Variants in PXDNL observed in about 807,000 individuals in gnomAD.
PXDNL encodes the protein peroxidasin like.
In PXDNL, 145 loss-of-function variants were observed where a neutral mutation model predicts 150.8. The observed-to-expected ratio is 0.96, with a 90% confidence interval of 0.84 to 1.10. The LOEUF is 1.10. PXDNL is among the 50% of genes least tolerant of loss of function. The pLI, the probability that PXDNL is intolerant of heterozygous loss-of-function variation, is 0.00. For synonymous variants in PXDNL, 757 were observed against 725.7 expected, an observed-to-expected ratio of 1.04 and a Z score of -0.69; for missense variants, 2,087 against 1,873.9, an observed-to-expected ratio of 1.11 and a Z score of -2.10.
intron 1 of PXDNL, among the ~76,000 whole-genome samples, chr8:51,789,765 G>C (rs2129254716): frequency 6.6e-6 from 1 of 152,168 alleles, no homozygotes; most frequent in African/African-American, 2.4e-5. Context: ...ATCCACCCAA[G>C]GAGTATCCTT....
intron 2 of PXDNL, among the ~76,000 whole-genome samples, chr8:51,630,676 A>G (rs549466326): frequency 4.0e-4 from 61 of 152,302 alleles, no homozygotes; most frequent in Non-Finnish European, 6.5e-4. Context: ...AAGCATATGA[A>G]AAAATGCTCA....
At chr8:51,488,628 T>C (rs1231555037) in intron 5 of PXDNL, among the ~76,000 whole-genome samples, 2 of 152,186 alleles carry the variant, frequency 1.3e-5, no homozygotes, top group Admixed American at 1.3e-4. Context: ...GGAAGATAAA[T>C]CTGCATTTTA....
intron 19 of PXDNL, among the ~76,000 whole-genome samples, chr8:51,358,951 A>T (rs946730226): frequency 6.6e-6 from 1 of 152,214 alleles, no homozygotes; most frequent in Non-Finnish European, 1.5e-5. Flanking sequence ...AAAGGGCTTC[A>T]TGTTCAGATT....
chr8:51,526,222 T>C (rs4321992), intron 4 of PXDNL, among the ~76,000 whole-genome samples: 151,159 of 152,314 alleles, frequency 0.99, 75,015 homozygotes, highest in Admixed American at 1. Context: ...GAGGCAGGTA[T>C]TGCGAGTTAA....
chr8:51,366,170 C>T (rs1806913127), intron 19 of PXDNL, among the ~76,000 whole-genome samples: 4 of 152,192 alleles, frequency 2.6e-5, no homozygotes, highest in Non-Finnish European at 5.9e-5. Flanking sequence ...TGCCTCCTTA[C>T]ATATTTTAAG....
At chr8:51,382,291 C>G (rs1425392268) in intron 17 of PXDNL, among the ~76,000 whole-genome samples, 1 of 142,274 alleles carries the variant, frequency 7.0e-6, no homozygotes, top group Non-Finnish European at 1.5e-5. Flanking sequence ...GCAAAGGATT[C>G]TCTCCTCCAA....
At position 51,644,314 on chromosome 8, in the gene PXDNL, A is replaced by ATT. The variant is rs1268960182; in HGVS notation, c.236+10373_236+10374dup. Among the ~76,000 whole-genome samples, 3 of 71,654 alleles carry ATT rather than the reference A, an allele frequency of 4.2e-5. 1 individual carries two copies. The highest frequency in any genetic ancestry group is 1.2e-4 in the Non-Finnish European group (3 of 25,994). 47.0% of individuals were successfully genotyped at this position (71,654 alleles called of 152,430 possible). On this transcript the variant is annotated intron_variant, in intron 2 of 22. Transcript: ENST00000356297. ...TATATAAACCCTGTAGCAAAGGCAC[A>ATT]TTTTTACATATATATATATATATAC...
At chr8:51,525,796 C>G (rs1811759061) in intron 4 of PXDNL, among the ~76,000 whole-genome samples, 1 of 152,198 alleles carries the variant, frequency 6.6e-6, no homozygotes, top group Non-Finnish European at 1.5e-5. Context: ...AAGCAGACAG[C>G]AGGACCAGGG....
intron 2 of PXDNL, among the ~76,000 whole-genome samples, chr8:51,617,375 C>G (rs1285978380): frequency 6.6e-6 from 1 of 152,178 alleles, no homozygotes; most frequent in East Asian, 1.9e-4. Flanking sequence ...TACAAACACT[C>G]TGCCAATTGT....
chr8:51,369,781 A>C (rs1356572208), intron 19 of PXDNL, among the ~76,000 whole-genome samples: 1 of 152,246 alleles, frequency 6.6e-6, no homozygotes, highest in African/African-American at 2.4e-5. Context: ...TTGGGACCAC[A>C]GATCTTGATA....
chr8:51,588,548 T>G (rs1813376425), intron 3 of PXDNL, among the ~76,000 whole-genome samples: 1 of 152,232 alleles, frequency 6.6e-6, no homozygotes, highest in Admixed American at 6.5e-5. Context: ...TGTATGTAAT[T>G]GATCCAAGCC....
intron 1 of PXDNL, among the ~76,000 whole-genome samples, chr8:51,673,307 G>C (rs1815538246): frequency 6.6e-6 from 1 of 152,166 alleles, no homozygotes; most frequent in Non-Finnish European, 1.5e-5. Context: ...AAACCTATAA[G>C]AAAAGATACT....
At chr8:51,485,905 T>C (rs774144653) in intron 5 of PXDNL, among the ~76,000 whole-genome samples, 4 of 152,216 alleles carry the variant, frequency 2.6e-5, no homozygotes, top group Non-Finnish European at 5.9e-5. Context: ...GCCATTTCCT[T>C]ATCTTAAGGA....
intron 1 of PXDNL, among the ~76,000 whole-genome samples, chr8:51,684,820 C>A (rs1218556404): frequency 1.3e-5 from 2 of 152,254 alleles, no homozygotes; most frequent in South Asian, 2.1e-4. Context: ...TAAGAATGGT[C>A]CCCAGATGAC....
At chr8:51,599,674 GATATCATTTATATAATAAATT>G (rs1299859737) in intron 2 of PXDNL, among the ~76,000 whole-genome samples, 1 of 144,410 alleles carries the variant, frequency 6.9e-6, no homozygotes, top group African/African-American at 2.5e-5. Context: ...TTATATAAAT[GATATCATTTATATAATAAATT>G]ATATCTTATA....
At chr8:51,652,549 C>T (rs1268366115) in intron 2 of PXDNL, among the ~76,000 whole-genome samples, 1 of 152,008 alleles carries the variant, frequency 6.6e-6, no homozygotes, top group Non-Finnish European at 1.5e-5. Flanking sequence ...AAGTACTTTT[C>T]CTGAATGCTA....
At chr8:51,591,614 T>A (rs1813445028) in intron 3 of PXDNL, among the ~76,000 whole-genome samples, 1 of 151,752 alleles carries the variant, frequency 6.6e-6, no homozygotes, top group Admixed American at 6.6e-5. Flanking sequence ...ATGTTCATTA[T>A]CGCCTTAGCA....
At chr8:51,455,611 A>ATT (rs1809922738) in intron 9 of PXDNL, among the ~76,000 whole-genome samples, 1 of 152,152 alleles carries the variant, frequency 6.6e-6, no homozygotes, top group African/African-American at 2.4e-5. Flanking sequence ...GGCAAAAGAG[A>ATT]TTTAAAAAGA....
At chr8:51,405,609 C>A (rs963215625) in intron 17 of PXDNL, among the ~76,000 whole-genome samples, 1 of 152,206 alleles carries the variant, frequency 6.6e-6, no homozygotes, top group Non-Finnish European at 1.5e-5. Flanking sequence ...AAAGCTATAT[C>A]ATCTTCAGCA....
Sources: gnomAD v4.1 joint callset for allele counts (sites outside exome capture counted in the v4.1 genomes callset) on GRCh38, gnomAD v4.1.1 for gene constraint, MANE v1.5 for transcripts, NCBI Gene and HGNC (gene_info 2026-07-23, HGNC 2026-07-21) for gene names.